ARID1A: variants seen among roughly 807,000 people sequenced by gnomAD.
ARID1A encodes the protein AT-rich interaction domain 1A, also known as AT-rich interactive domain-containing protein 1A.
A neutral mutation model predicts 212.6 loss-of-function variants in ARID1A; 20 were observed. That is an observed-to-expected ratio of 0.09 (90% confidence interval 0.07 to 0.14). The LOEUF (loss-of-function observed/expected upper bound fraction) is 0.14. Among genes scored for constraint, ARID1A ranks in the 10% least tolerant of loss-of-function variants. The probability of loss-of-function intolerance (pLI) is 1.00; values close to 1 mark genes in which losing one functional copy is unlikely to be tolerated. For synonymous variants in ARID1A, 1,376 were observed against 1,222.1 expected (o/e 1.13, Z -2.63); for missense variants, 2,587 against 3,059.0 (o/e 0.85, Z 3.64).
chr1:26,721,111 TGTAAA>T (rs1416008216), intron 1 of ARID1A, among the ~76,000 whole-genome samples: 33 of 152,316 alleles, frequency 2.2e-4, no homozygotes, highest in Non-Finnish European at 1.5e-4. Context: ...GATAAAAAGT[TGTAAA>T]GAAGGGGACG....
At chr1:26,727,624 A>G (rs1357346344) in intron 1 of ARID1A, 1 of 152,188 alleles carries the variant, frequency 6.6e-6, no homozygotes, top group Non-Finnish European at 1.5e-5. Flanking sequence ...AGGCCTAGCC[A>G]TTTGTGAAGC....
intron 19 of ARID1A, among the ~76,000 whole-genome samples, chr1:26,777,717 G>A (rs2081149672): frequency 6.6e-6 from 1 of 152,066 alleles, no homozygotes; most frequent in Non-Finnish European, 1.5e-5. Flanking sequence ...AGGATCATTT[G>A]AGGTCAGGAG....
In ARID1A at chr1:26,774,460, G is replaced by A. The variant is rs558226323; in HGVS notation, c.4233G>A (p.Gln1411=). The change falls in exon 18 of 20, where the codon CAG becomes CAA. Residue 1411 remains glutamine (Q), a synonymous_variant. Transcript: ENST00000324856. The surrounding 1 kb of genome is among the most constrained non-coding windows in gnomAD (Gnocchi z 5.6). Reference sequence around the variant, plus strand: ...AGCAGTTGCCCCCAGCCCAGCCCCAGCCTGCCAGCCAGCAACAAGCTGCCC... The same window carrying A: ...AGCAGTTGCCCCCAGCCCAGCCCCAACCTGCCAGCCAGCAACAAGCTGCCC... ...QQQQLPPAQP[Q]PASQQQAAQP... The A allele has an allele frequency of 5.6e-6, 9 of 1,613,726 alleles. No homozygotes were observed. The South Asian group carries it at 7.7e-5, about 14-fold the overall frequency.
chr1:26,737,555 G>GT (rs1454345610), intron 4 of ARID1A, among the ~76,000 whole-genome samples: 3 of 152,142 alleles, frequency 2.0e-5, no homozygotes, highest in Non-Finnish European at 4.4e-5. Flanking sequence ...ACCCAGGGGA[G>GT]TGTATTATCT....
rs2124743559 is a variant in ARID1A at position 26,697,189 on chromosome 1, G to T, written c.786G>T (p.Ser262=). The T allele has an allele frequency of 7.0e-7, 1 of 1,426,556 alleles. No individual in the cohort carries two copies. Among genetic ancestry groups the T allele is most frequent in the African/African-American group, 1.5e-5 (1 of 66,508 alleles). 88.4% of individuals were successfully genotyped at this position (1,426,556 alleles called of 1,614,324 possible). A position where few individuals can be genotyped will look rare whatever the true frequency, so the allele number is the denominator to read the frequency against. Residue 262 remains serine, a synonymous_variant, in exon 1 of 20, where the codon TCG becomes TCT. Transcript: ENST00000324856. ...CCTCCAGCGCCTCCGCCTCCTCGTCGTCTTCGTCCTTCGCTCAGCAGCGCT... is the reference window on the plus strand; with the variant it reads ...CCTCCAGCGCCTCCGCCTCCTCGTCTTCTTCGTCCTTCGCTCAGCAGCGCT... The part of the protein sequence containing the change: ...PPSSSASASS[S]SSSFAQQRFG...
At chr1:26,724,187 C>G (rs1271563281) in intron 1 of ARID1A, among the ~76,000 whole-genome samples, 1 of 152,120 alleles carries the variant, frequency 6.6e-6, no homozygotes, top group African/African-American at 2.4e-5. Flanking sequence ...GGTTATAGCT[C>G]TAGGTTTACA....
intron 10 of ARID1A, 119 bp downstream of exon 10, chr1:26,766,685 T>A: frequency 9.3e-7 from 1 of 1,070,562 alleles, no homozygotes; most frequent in Non-Finnish European, 1.3e-6. Flanking sequence ...CTAGATAGTC[T>A]CTGAAAAAGC....
Position 26,773,690 on chromosome 1 carries a change from C to G in ARID1A, c.3977C>G (p.Pro1326Arg). The change falls in exon 16 of 20, where the codon CCG (proline) becomes CGG (arginine). Residue 1326 changes from proline (P) to arginine (R), a missense_variant. Around this residue, in one of 11 missense-constraint regions of ARID1A, gnomAD observed 890 missense variants for 1,098.2 expected, o/e 0.81. Coordinates refer to ENST00000324856, the MANE Select transcript of ARID1A (RefSeq NM_006015.6). ...SGMYSPSRYP[P>R]QQQQQQQQRH... Reference sequence around the variant, plus strand: ...ATGTATTCTCCTAGCCGCTACCCCCCGCAGCAGCAGCAGCAGCAGCAGCAA... The same window carrying G: ...ATGTATTCTCCTAGCCGCTACCCCCGGCAGCAGCAGCAGCAGCAGCAGCAA... 6.2e-7 allele frequency: 1 copy of G among 1,613,312 alleles called. No homozygotes were observed. Among genetic ancestry groups the G allele is most frequent in the African/African-American group, 1.3e-5 (1 of 74,948 alleles).
chr1:26,758,055 A>G (rs2080958204), intron 4 of ARID1A, among the ~76,000 whole-genome samples: 1 of 152,150 alleles, frequency 6.6e-6, no homozygotes, highest in Non-Finnish European at 1.5e-5. Context: ...GAAAGTTCTT[A>G]TTACCAGAAG....
At chr1:26,770,904 G>A (rs771357662) in intron 11 of ARID1A, 67 of 581,204 alleles carry the variant, frequency 1.2e-4, no homozygotes, top group Non-Finnish European at 1.9e-4. Flanking sequence ...AGCACAGTCT[G>A]ATAGTTGCAG....
At chr1:26,709,217 T>C (rs2080425289) in intron 1 of ARID1A, among the ~76,000 whole-genome samples, 2 of 152,218 alleles carry the variant, frequency 1.3e-5, no homozygotes, top group African/African-American at 4.8e-5. Flanking sequence ...GAAAGTACTA[T>C]TCGTTTATCA....
In ARID1A at chr1:26,780,906, TTCTC is replaced by T. The variant is rs201874010; in HGVS notation, c.*155_*158del. The T allele has an allele frequency of 4.4e-6, 5 of 1,126,408 alleles. No individual in the cohort carries two copies. The highest frequency in any genetic ancestry group is 1.7e-5 in the South Asian group (1 of 60,066). 69.8% of individuals were successfully genotyped at this position (1,126,408 alleles called of 1,614,324 possible). A position where few individuals can be genotyped will look rare whatever the true frequency, so the allele number is the denominator to read the frequency against. On this transcript the variant is annotated 3_prime_UTR_variant, in exon 20 of 20. Coordinates refer to ENST00000324856, the MANE Select transcript of ARID1A (RefSeq NM_006015.6). This position sits in a 1 kb window ranked among gnomAD's most constrained non-coding sequence, Gnocchi z 7.2. Reference sequence around the variant, plus strand: ...TCCCTTGGGAAAAAGTCTCTCCTGTTTCTCTCTCCTCCTTCCACCTCCCCTCCCT... The same window carrying T: ...TCCCTTGGGAAAAAGTCTCTCCTGTTTCTCCTCCTTCCACCTCCCCTCCCT...
chr1:26,727,787 T>C (rs902330005), intron 1 of ARID1A: 12 of 152,152 alleles, frequency 7.9e-5, no homozygotes, highest in African/African-American at 2.7e-4. Flanking sequence ...AACAAAATAG[T>C]CTCTCCAGTT....
In ARID1A at chr1:26,780,592, C is replaced by G. The variant is rs752164675; in HGVS notation, c.6694C>G (p.Arg2232Gly). The change falls in exon 20 of 20, where the codon CGG becomes GGG. Residue 2232 changes from arginine to glycine, a missense_variant. By Grantham distance (125) the Arg-to-Gly change is moderately radical. Transcript: ENST00000324856. This position sits in a 1 kb window ranked among gnomAD's most constrained non-coding sequence, Gnocchi z 7.2. ...PFEPTSVDMM[R>G]RAARALLALA... Reference sequence around the variant, plus strand: ...TGAGCCAACTAGTGTGGACATGATGCGGCGGGCTGCCCGCGCGCTGCTTGC... The same window carrying G: ...TGAGCCAACTAGTGTGGACATGATGGGGCGGGCTGCCCGCGCGCTGCTTGC... 6.2e-7 allele frequency: 1 copy of G among 1,614,030 alleles called. No homozygotes were observed. Among genetic ancestry groups the G allele is most frequent in the South Asian group, 1.1e-5 (1 of 91,082 alleles).
rs2124787997 is a variant in ARID1A, at chr1:26,731,193, A to G, written c.1392A>G (p.Gln464=). ...YGQQGPSGYG[Q]QGQTPYYNQQ... ...AACAAGGCCCCAGCGGGTATGGTCA[A>G]CAGGGCCAGACTCCATATTACAACC... is the stretch of plus-strand genomic sequence containing the variant. The change falls in exon 3 of 20, where the codon CAA becomes CAG. Residue 464 remains glutamine (Q), a synonymous_variant. Transcript: ENST00000324856. 7 of 1,614,098 alleles carry G rather than the reference A, an allele frequency of 4.3e-6. No individual in the cohort carries two copies. Among genetic ancestry groups the G allele is most frequent in the Non-Finnish European group, 5.1e-6 (6 of 1,180,004 alleles).
chr1:26,727,382 T>C (rs1008443396), intron 1 of ARID1A, among the ~76,000 whole-genome samples: 1 of 152,210 alleles, frequency 6.6e-6, no homozygotes, highest in Non-Finnish European at 1.5e-5. Context: ...ACTAGCCACA[T>C]GTAGTTATGT....
chr1:26,712,514 G>A (rs1046760705), intron 1 of ARID1A, among the ~76,000 whole-genome samples: 2 of 152,014 alleles, frequency 1.3e-5, no homozygotes, highest in Non-Finnish European at 2.9e-5. Context: ...GCAAGACCTT[G>A]TCTCTCTTAA....
intron 1 of ARID1A, among the ~76,000 whole-genome samples, chr1:26,723,549 G>A (rs74062525): frequency 9.9e-5 from 15 of 152,262 alleles, no homozygotes; most frequent in African/African-American, 3.4e-4. Context: ...GTTATCAGGC[G>A]CCAGTCCAAG....
At chr1:26,764,573 C>A (rs1417695949) in intron 8 of ARID1A, 1 of 152,122 alleles carries the variant, frequency 6.6e-6, no homozygotes, top group South Asian at 2.1e-4. Context: ...CTAAATCTTA[C>A]TGAGTTGTTG....
Sources: allele counts gnomAD v4.1 joint callset (sites outside exome capture counted in the v4.1 genomes callset), GRCh38; gene constraint gnomAD v4.1.1; regional missense constraint gnomAD v4.1.1; non-coding constraint Gnocchi (gnomAD v3.1); transcripts MANE v1.5; gene names NCBI Gene and HGNC (gene_info 2026-07-23, HGNC 2026-07-21).